KCNIP1: variants seen among roughly 807,000 people sequenced by gnomAD.
KCNIP1 encodes potassium voltage-gated channel interacting protein 1, also known as A-type potassium channel modulatory protein KCNIP1.
A neutral mutation model predicts 33.0 loss-of-function variants in KCNIP1; 18 were observed. The ratio of observed to expected loss-of-function variants is 0.55; its 90% CI spans 0.38 to 0.81. The LOEUF (loss-of-function observed/expected upper bound fraction) is 0.81. Among genes scored for constraint, KCNIP1 ranks in the 30% least tolerant of loss-of-function variants. KCNIP1 has a pLI of 0.00. For missense variants in KCNIP1, 238 were observed against 271.6 expected, an observed-to-expected ratio of 0.88 and a Z score of 0.87; for synonymous variants, 93 against 98.3, an observed-to-expected ratio of 0.95 and a Z score of 0.32.
intron 1 of KCNIP1, among the ~76,000 whole-genome samples, chr5:170,513,765 T>C (rs1003864243): frequency 1.3e-5 from 2 of 152,204 alleles, no homozygotes; most frequent in Non-Finnish European, 2.9e-5. Context: ...ACAGAGCCTT[T>C]GTGTGGGATT....
chr5:170,356,914 G>GCAGCCTC lies in KCNIP1; in HGVS notation c.88+2964_88+2970dup, dbSNP rs533058543. 1.2e-3 allele frequency among the ~76,000 whole-genome samples: 177 copies of GCAGCCTC among 152,260 alleles called. 2 individuals are homozygous for GCAGCCTC. Among genetic ancestry groups the GCAGCCTC allele is most frequent in the African/African-American group, 4.0e-3 (166 of 41,540 alleles). On this transcript the variant is annotated intron_variant, in intron 1 of 7. Coordinates refer to the KCNIP1 transcript ENST00000377360. ...TGTTTAGCTGCAGCAAGCTGAGTCTGCAGCCTCCAGCCTCCAGCCTGCGTG... is the reference window on the plus strand; with the variant it reads ...TGTTTAGCTGCAGCAAGCTGAGTCTGCAGCCTCCAGCCTCCAGCCTCCAGCCTGCGTG...
intron 1 of KCNIP1, among the ~76,000 whole-genome samples, chr5:170,650,080 G>T (rs568131304): frequency 3.2e-4 from 48 of 152,050 alleles, no homozygotes; most frequent in African/African-American, 1.1e-3. Context: ...AGAGAAAAGG[G>T]AATTTTAAGA....
chr5:170,490,361 T>C (rs1757181064), intron 1 of KCNIP1, among the ~76,000 whole-genome samples: 1 of 152,216 alleles, frequency 6.6e-6, no homozygotes, highest in African/African-American at 2.4e-5. Flanking sequence ...GTAGGGCAAC[T>C]ACAATTGAGA....
At chr5:170,562,649 G>A (rs868868958) in intron 1 of KCNIP1, among the ~76,000 whole-genome samples, 12 of 152,126 alleles carry the variant, frequency 7.9e-5, no homozygotes, top group Admixed American at 1.3e-4. Flanking sequence ...CCTGCACGCC[G>A]TCTCTCAGTC....
intron 1 of KCNIP1, among the ~76,000 whole-genome samples, chr5:170,366,791 C>A (rs1763674748): frequency 6.6e-6 from 1 of 152,218 alleles, no homozygotes. Context: ...GTGGTGGCCA[C>A]CCAGCAGATG....
At chr5:170,641,608 A>G (rs995084227) in intron 1 of KCNIP1, among the ~76,000 whole-genome samples, 11 of 152,224 alleles carry the variant, frequency 7.2e-5, no homozygotes, top group African/African-American at 1.7e-4. Context: ...TCTGTCCCCA[A>G]AGAGGCTTCT....
chr5:170,576,090 A>C (rs1757593869), intron 1 of KCNIP1, among the ~76,000 whole-genome samples: 1 of 152,196 alleles, frequency 6.6e-6, no homozygotes, highest in South Asian at 2.1e-4. Context: ...CTCCATGTGG[A>C]GTCAGCTGGG....
At chr5:170,468,435 C>A (rs1756654213) in intron 1 of KCNIP1, among the ~76,000 whole-genome samples, 1 of 152,070 alleles carries the variant, frequency 6.6e-6, no homozygotes, top group African/African-American at 2.4e-5. Context: ...AGCTGAATTT[C>A]AAAGCTTATG....
At chr5:170,409,309 C>T (rs2113401842) in intron 1 of KCNIP1, among the ~76,000 whole-genome samples, 1 of 152,290 alleles carries the variant, frequency 6.6e-6, no homozygotes, top group Non-Finnish European at 1.5e-5. Context: ...AGGACACTCC[C>T]CTGGGACCAC....
At chr5:170,637,664 C>T in intron 1 of KCNIP1, among the ~76,000 whole-genome samples, 1 of 152,158 alleles carries the variant, frequency 6.6e-6, no homozygotes, top group Middle Eastern at 3.2e-3. Flanking sequence ...GCTCATTTTC[C>T]TTTAGTGAGG....
intron 1 of KCNIP1, among the ~76,000 whole-genome samples, chr5:170,714,039 G>C (rs925376793): frequency 3.3e-5 from 5 of 150,010 alleles, no homozygotes; most frequent in African/African-American, 1.2e-4. Flanking sequence ...AAAAAAAAAA[G>C]CTAGATGGGT....
intron 1 of KCNIP1, among the ~76,000 whole-genome samples, chr5:170,444,938 T>C (rs892818675): frequency 1.3e-5 from 2 of 152,166 alleles, no homozygotes; most frequent in African/African-American, 4.8e-5. Flanking sequence ...GGCCACACGG[T>C]GGGAAGCACT....
chr5:170,656,026 C>T (rs76817300), intron 1 of KCNIP1, among the ~76,000 whole-genome samples: 8,340 of 152,252 alleles, frequency 0.055, 297 homozygotes, highest in Non-Finnish European at 0.081. Context: ...ACTGACCTTC[C>T]TCGTACTCCA....
chr5:170,383,750 C>A, intron 1 of KCNIP1: 1 of 1,614,200 alleles, frequency 6.2e-7, no homozygotes, highest in Non-Finnish European at 8.5e-7. Flanking sequence ...GACACGTTGA[C>A]CCACAGGCAT....
At chr5:170,695,660 C>T (rs898822178) in intron 1 of KCNIP1, among the ~76,000 whole-genome samples, 5 of 152,198 alleles carry the variant, frequency 3.3e-5, no homozygotes, top group Non-Finnish European at 7.3e-5. Flanking sequence ...AAACTTGACA[C>T]TTCTGCTTCC....
At chr5:170,551,748 CGTGT>C (rs538185357) in intron 1 of KCNIP1, among the ~76,000 whole-genome samples, 2 of 150,390 alleles carry the variant, frequency 1.3e-5, no homozygotes, top group African/African-American at 2.4e-5. Context: ...TGTGTATATG[CGTGT>C]GTGTGTATGT....
chr5:170,625,252 G>A (rs956779644), intron 1 of KCNIP1, among the ~76,000 whole-genome samples: 1 of 152,092 alleles, frequency 6.6e-6, no homozygotes, highest in Admixed American at 6.5e-5. Flanking sequence ...GTGTGCACAC[G>A]TGTGCAGCTA....
chr5:170,420,556 A>C (rs1453768431), intron 1 of KCNIP1: 1 of 151,402 alleles, frequency 6.6e-6, no homozygotes, highest in East Asian at 1.9e-4. Context: ...AATAAAAAGA[A>C]TACAGCGTAT....
chr5:170,660,017 G>C (rs549138646), intron 1 of KCNIP1, among the ~76,000 whole-genome samples: 1 of 152,244 alleles, frequency 6.6e-6, no homozygotes, highest in African/African-American at 2.4e-5. Context: ...GGCCCACAGA[G>C]GTGGGAGGAG....
Sources: gnomAD v4.1 joint callset for allele counts (sites outside exome capture counted in the v4.1 genomes callset) on GRCh38, gnomAD v4.1.1 for gene constraint, MANE v1.5 for transcripts, NCBI Gene and HGNC (gene_info 2026-07-23, HGNC 2026-07-21) for gene names.